GRM8: variants seen among roughly 807,000 people sequenced by gnomAD.
GRM8 encodes the protein glutamate metabotropic receptor 8, also known as metabotropic glutamate receptor 8.
A neutral mutation model predicts 87.2 loss-of-function variants in GRM8; 47 were observed. The ratio of observed to expected loss-of-function variants is 0.54; its 90% CI spans 0.43 to 0.69. The LOEUF (loss-of-function observed/expected upper bound fraction) is 0.69, where lower values mean the gene tolerates loss of function less well. GRM8 is among the 30% of genes least tolerant of loss of function. The probability of loss-of-function intolerance (pLI) is 0.00; values close to 1 mark genes in which losing one functional copy is unlikely to be tolerated. For missense variants in GRM8, 1,019 were observed against 1,139.2 expected (o/e 0.89, Z 1.52); for synonymous variants, 396 against 404.5 (o/e 0.98, Z 0.25).
intron 3 of GRM8, among the ~76,000 whole-genome samples, chr7:126,993,693 G>A (rs2131969596): frequency 6.6e-6 from 1 of 152,230 alleles, no homozygotes; most frequent in African/African-American, 2.4e-5. Context: ...ACAGTGACTG[G>A]GGGACTTTGC....
At chr7:126,832,331 G>A (rs1286753839) in intron 6 of GRM8, among the ~76,000 whole-genome samples, 1 of 152,058 alleles carries the variant, frequency 6.6e-6, no homozygotes, top group African/African-American at 2.4e-5. Context: ...AGCTAGGAAT[G>A]TGCACTCAAA....
intron 3 of GRM8, among the ~76,000 whole-genome samples, chr7:127,024,575 C>G (rs889229524): frequency 6.6e-6 from 1 of 152,082 alleles, no homozygotes; most frequent in African/African-American, 2.4e-5. Context: ...GAGACGACAT[C>G]TCTTTGCTGA....
chr7:126,530,471 A>G (rs145243034), intron 9 of GRM8, among the ~76,000 whole-genome samples: 7 of 152,354 alleles, frequency 4.6e-5, no homozygotes, highest in Admixed American at 4.6e-4. Flanking sequence ...TCATGAAGGC[A>G]TGGGCTGGGA....
intron 2 of GRM8, among the ~76,000 whole-genome samples, chr7:127,174,539 T>C (rs1793986595): frequency 2.0e-5 from 3 of 152,190 alleles, no homozygotes; most frequent in Admixed American, 6.5e-5. Flanking sequence ...ATTCTACCTA[T>C]GCGTTTTTTC....
At chr7:126,947,531 A>G (rs564809824) in intron 3 of GRM8, among the ~76,000 whole-genome samples, 1 of 152,010 alleles carries the variant, frequency 6.6e-6, no homozygotes, top group East Asian at 1.9e-4. Flanking sequence ...ATGTATATAT[A>G]TTGTATATAT....
intron 3 of GRM8, among the ~76,000 whole-genome samples, chr7:127,068,072 A>G (rs890899675): frequency 2.0e-5 from 3 of 152,160 alleles, no homozygotes; most frequent in Non-Finnish European, 4.4e-5. Flanking sequence ...ATTTACCATG[A>G]TATGGTGAGC....
At chr7:126,540,150 G>A (rs1584997801) in intron 8 of GRM8, among the ~76,000 whole-genome samples, 1 of 152,042 alleles carries the variant, frequency 6.6e-6, no homozygotes, top group African/African-American at 2.4e-5. Flanking sequence ...CCAATAAATT[G>A]AATAGACATG....
intron 3 of GRM8, among the ~76,000 whole-genome samples, chr7:127,043,720 A>C (rs528829518): frequency 6.6e-6 from 1 of 152,314 alleles, no homozygotes; most frequent in East Asian, 1.9e-4. Context: ...CATATGTAAC[A>C]AACCTGCACG....
chr7:126,697,357 T>C (rs1395980748), intron 7 of GRM8, among the ~76,000 whole-genome samples: 2 of 152,108 alleles, frequency 1.3e-5, no homozygotes, highest in African/African-American at 4.8e-5. Flanking sequence ...TTTTGTATTA[T>C]ATACTAGAAA....
chr7:126,713,775 T>C (rs190296340), intron 7 of GRM8, among the ~76,000 whole-genome samples: 3 of 152,184 alleles, frequency 2.0e-5, no homozygotes, highest in Admixed American at 6.6e-5. Context: ...TTTGATGATC[T>C]AGGGTACAGC....
intron 6 of GRM8, among the ~76,000 whole-genome samples, chr7:126,804,386 G>A (rs1245104908): frequency 3.3e-5 from 5 of 152,086 alleles, no homozygotes; most frequent in East Asian, 1.9e-4. Flanking sequence ...ACTCTATCCC[G>A]CTTCATTGTC....
Position 126,522,815 on chromosome 7 carries a change from G to C in GRM8, c.2430+10137C>G, listed in dbSNP as rs139208375. On this transcript the variant is annotated intron_variant, in intron 9 of 10. Coordinates refer to ENST00000339582, the MANE Select transcript of GRM8 (RefSeq NM_000845.3). ...CGTTCACCATCCCTGGTCCCAAGAC[G>C]TCATACTGTGAACTTCACCTCCATT... is the stretch of plus-strand genomic sequence containing the variant. Among the ~76,000 whole-genome samples, 718 of 152,116 alleles carry C rather than the reference G, an allele frequency of 4.7e-3. 5 individuals carry two copies. Among genetic ancestry groups the C allele is most frequent in the African/African-American group, 0.016 (678 of 41,504 alleles).
At chr7:126,516,094 A>G (rs1221674289) in intron 9 of GRM8, among the ~76,000 whole-genome samples, 1 of 152,034 alleles carries the variant, frequency 6.6e-6, no homozygotes, top group Non-Finnish European at 1.5e-5. Flanking sequence ...CAAGTATTTC[A>G]GTATTCCAAC....
chr7:127,214,194 G>C (rs1563583360), intron 2 of GRM8, among the ~76,000 whole-genome samples: 1 of 152,026 alleles, frequency 6.6e-6, no homozygotes, highest in Admixed American at 6.6e-5. Flanking sequence ...CCTATTTTTG[G>C]ATACTGGTTG....
At chr7:127,227,370 C>T (rs1350668959) in intron 2 of GRM8, among the ~76,000 whole-genome samples, 1 of 152,244 alleles carries the variant, frequency 6.6e-6, no homozygotes, top group Non-Finnish European at 1.5e-5. Context: ...ATATCATACA[C>T]ACCCTGGTCC....
At chr7:127,160,946 C>A (rs1430321032) in intron 2 of GRM8, among the ~76,000 whole-genome samples, 2 of 152,054 alleles carry the variant, frequency 1.3e-5, no homozygotes, top group African/African-American at 4.8e-5. Context: ...CCTGAGTGGT[C>A]TTTTCTTAGT....
At chr7:126,665,702 C>T (rs557052340) in intron 7 of GRM8, among the ~76,000 whole-genome samples, 5 of 151,820 alleles carry the variant, frequency 3.3e-5, no homozygotes, top group East Asian at 3.9e-4. Flanking sequence ...TAGCATCATG[C>T]GATATACCTA....
At chr7:126,967,551 G>GAA (rs11381653) in intron 3 of GRM8, among the ~76,000 whole-genome samples, 45 of 150,518 alleles carry the variant, frequency 3.0e-4, no homozygotes, top group African/African-American at 6.3e-4. Flanking sequence ...CATCCCTTGA[G>GAA]AAAAAAAAAA....
chr7:126,849,659 T>G (rs1206921915), intron 6 of GRM8, among the ~76,000 whole-genome samples: 1 of 152,102 alleles, frequency 6.6e-6, no homozygotes, highest in Non-Finnish European at 1.5e-5. Context: ...AAATATTTCC[T>G]CTCCTATCCT....
Sources: gnomAD v4.1 joint callset for allele counts (sites outside exome capture counted in the v4.1 genomes callset) on GRCh38, gnomAD v4.1.1 for gene constraint, MANE v1.5 for transcripts, NCBI Gene and HGNC (gene_info 2026-07-23, HGNC 2026-07-21) for gene names.